The following SLC35A5 variants were observed in gnomAD, a reference collection of about 807,000 sequenced individuals.
The protein encoded by SLC35A5 is UDP-sugar transporter protein SLC35A5.
Under a neutral mutation model 36.3 loss-of-function variants are expected in SLC35A5, and 28 were observed. The ratio of observed to expected loss-of-function variants is 0.77; its 90% CI spans 0.57 to 1.06. The LOEUF is 1.06. Among genes scored for constraint, SLC35A5 ranks in the 50% least tolerant of loss-of-function variants. SLC35A5 has a pLI of 0.00. For missense variants in SLC35A5, 521 were observed against 499.3 expected, an observed-to-expected ratio of 1.04 and a Z score of -0.41; for synonymous variants, 180 against 173.7, an observed-to-expected ratio of 1.04 and a Z score of -0.29.
chr3:112,573,269 A>G (rs780023378), intron 4 of SLC35A5, among the ~76,000 whole-genome samples: 3 of 152,224 alleles, frequency 2.0e-5, no homozygotes, highest in African/African-American at 7.2e-5. Context: ...AGCATAATGT[A>G]TACATGTTCA....
chr3:112,574,439 TAAG>T (rs1227130647), intron 5 of SLC35A5, among the ~76,000 whole-genome samples: 4 of 152,310 alleles, frequency 2.6e-5, no homozygotes, highest in Non-Finnish European at 4.4e-5. Context: ...AAATTATAGT[TAAG>T]AAGGATAGTT....
In SLC35A5 at chr3:112,582,878, G is replaced by A. The variant is rs1342932931; in HGVS notation, c.*142G>A. The A allele has an allele frequency of 1.5e-6, 1 of 671,438 alleles. No homozygotes were observed. Among genetic ancestry groups the A allele is most frequent in the East Asian group, 2.8e-5 (1 of 35,930 alleles). 41.6% of individuals were successfully genotyped at this position (671,438 alleles called of 1,614,324 possible). ...GCATATATCTAGCTACTCCCTAAAT[G>A]GTTCCATCCAAGGCTTAGAGTACCC... On this transcript the variant is annotated 3_prime_UTR_variant, in exon 7 of 7. Transcript: ENST00000492406.
At position 112,563,476 on chromosome 3, in the gene SLC35A5, A is replaced by G. The variant is rs200064431; in HGVS notation, c.73A>G (p.Ile25Val). The G allele has an allele frequency of 7.9e-5, 127 of 1,608,804 alleles. No individual in the cohort carries two copies. In the Admixed American group the frequency reaches 8.2e-4, roughly 10 times the overall value. Residue 25 changes from isoleucine to valine, a missense_variant, in exon 2 of 7, where the codon ATA becomes GTA. By Grantham distance (29) the Ile-to-Val change is conservative (BLOSUM62 3). Transcript: ENST00000492406. The stretch of plus-strand genomic sequence containing the variant: ...AATGTATACATTCCTGCTAGGTGCC[A>G]TATTCATTGCTTTAAGCTCAAGTCG... ...STMYTFLLGA[I>V]FIALSSSRIL...
At chr3:112,573,822 C>T in intron 4 of SLC35A5, 67 bp from the exon 5 acceptor site, 1 of 1,352,404 alleles carries the variant, frequency 7.4e-7, no homozygotes, top group Non-Finnish European at 1.0e-6. Context: ...GGTGAACTGC[C>T]AAGCTAAGAC....
At chr3:112,579,748 T>C (rs1331296448) in intron 5 of SLC35A5, among the ~76,000 whole-genome samples, 2 of 152,224 alleles carry the variant, frequency 1.3e-5, no homozygotes, top group East Asian at 3.9e-4. Flanking sequence ...TTAGTTTCAT[T>C]GTTTTCTCAC....
chr3:112,577,775 C>T (rs976753394), intron 5 of SLC35A5, among the ~76,000 whole-genome samples: 2 of 152,142 alleles, frequency 1.3e-5, no homozygotes, highest in African/African-American at 4.8e-5. Flanking sequence ...AGAGAAGTGC[C>T]ACTCAGTAGT....
rs1404512735 is a variant in SLC35A5, at chr3:112,570,648, A to G, written c.338A>G (p.Tyr113Cys). Residue 113 changes from tyrosine to cysteine, a missense_variant, in exon 4 of 7, where the codon TAT becomes TGT. Tyr to Cys is a radical substitution (Grantham distance 194). Transcript: ENST00000492406. ...LYFLDNLIVF[Y>C]VLSYLQPAMA... ...TTCCTGGATAACTTGATTGTCTTCT[A>G]TGTCCTGTCCTATCTTCAACCAGTA... is the stretch of plus-strand genomic sequence containing the variant. 1 of 1,610,376 alleles carries G rather than the reference A, an allele frequency of 6.2e-7. No homozygotes were observed. Among genetic ancestry groups the G allele is most frequent in the Non-Finnish European group, 8.5e-7 (1 of 1,178,380 alleles).
chr3:112,567,341 T>C (rs1440614805), intron 2 of SLC35A5, among the ~76,000 whole-genome samples: 1 of 151,860 alleles, frequency 6.6e-6, no homozygotes, highest in Admixed American at 6.6e-5. Context: ...TCGCTCTGTC[T>C]GGAGTGCACT....
rs1408850284 is a variant in SLC35A5, at chr3:112,564,648, C to T, written c.130+1115C>T. 3.9e-5 allele frequency among the ~76,000 whole-genome samples: 6 copies of T among 152,088 alleles called. No individual in the cohort carries two copies. In the South Asian group the frequency reaches 8.3e-4, roughly 21 times the overall value. ...CCTTTACAGGTGTCGGGCTGGGGGA[C>T]GGTCAGGTCTTTCCCTTCCCACGAG... On this transcript the variant is annotated intron_variant, in intron 2 of 6. Transcript: ENST00000492406.
intron 2 of SLC35A5, among the ~76,000 whole-genome samples, chr3:112,565,302 G>C (rs1934146152): frequency 1.3e-5 from 2 of 152,138 alleles, no homozygotes; most frequent in African/African-American, 4.8e-5. Flanking sequence ...GTTTGGTAGG[G>C]GATGATGTGG....
chr3:112,567,332 C>T (rs1482871131), intron 2 of SLC35A5, among the ~76,000 whole-genome samples: 1 of 152,054 alleles, frequency 6.6e-6, no homozygotes, highest in Non-Finnish European at 1.5e-5. Context: ...GTTGGAGTCT[C>T]GCTCTGTCTG....
chr3:112,582,529 G>A (rs1934974198), intron 6 of SLC35A5, 142 bp from the exon 7 acceptor site: 2 of 572,728 alleles, frequency 3.5e-6, no homozygotes, highest in Admixed American at 3.3e-5. Context: ...AACTTTCCAA[G>A]AACATAAGTA....
chr3:112,561,436 G>A (rs764381490), upstream of SLC35A5: 20 of 1,611,332 alleles, frequency 1.2e-5, no homozygotes, highest in South Asian at 2.2e-4. Flanking sequence ...GACAGCTCCC[G>A]GCAACCCTGG....
rs111946345 is a variant in SLC35A5, at chr3:112,566,421, T to C, written c.131-2750T>C. On this transcript the variant is annotated intron_variant, in intron 2 of 6. Transcript: ENST00000492406. ...GCAATAAGTTAAATGTTCTAGAATA[T>C]AGATTTGGGGACATTAATGTCAAAT... 2.2e-3 allele frequency among the ~76,000 whole-genome samples: 334 copies of C among 152,296 alleles called. 3 individuals are homozygous for C. The highest frequency in any genetic ancestry group is 7.6e-3 in the African/African-American group (315 of 41,564).
intron 4 of SLC35A5, among the ~76,000 whole-genome samples, chr3:112,573,101 G>A (rs1395018280): frequency 1.3e-5 from 2 of 151,840 alleles, no homozygotes; most frequent in Non-Finnish European, 2.9e-5. Flanking sequence ...TTAATTAGTG[G>A]GTATATATGA....
intron 2 of SLC35A5, among the ~76,000 whole-genome samples, chr3:112,565,174 T>G (rs1934139743): frequency 1.3e-5 from 2 of 151,066 alleles, no homozygotes; most frequent in Admixed American, 1.3e-4. Flanking sequence ...TCCTCAAGAC[T>G]TAGTTTATTA....
chr3:112,582,195 C>G (rs1253375398), intron 6 of SLC35A5, among the ~76,000 whole-genome samples: 1 of 152,078 alleles, frequency 6.6e-6, no homozygotes, highest in Non-Finnish European at 1.5e-5. Flanking sequence ...CAGAGCTTCC[C>G]TGGGTGTAAT....
At chr3:112,582,261 C>T (rs536440200) in intron 6 of SLC35A5, among the ~76,000 whole-genome samples, 5 of 152,202 alleles carry the variant, frequency 3.3e-5, no homozygotes, top group African/African-American at 9.6e-5. Context: ...TCTTGAGTTT[C>T]GGATACCCTG....
chr3:112,569,396 A>G, intron 3 of SLC35A5, 127 bp downstream of exon 3: 6 of 719,050 alleles, frequency 8.3e-6, no homozygotes, highest in South Asian at 1.8e-5. Context: ...AGATACAAAC[A>G]TAAGTATGTT....
Sources: gnomAD v4.1 joint callset for allele counts (sites outside exome capture counted in the v4.1 genomes callset) on GRCh38, gnomAD v4.1.1 for gene constraint, MANE v1.5 for transcripts, NCBI Gene and HGNC (gene_info 2026-07-23, HGNC 2026-07-21) for gene names.